Variants in NOP58 observed in about 807,000 individuals in gnomAD.
NOP58 encodes nucleolar protein 58.
A neutral mutation model predicts 71.2 loss-of-function variants in NOP58; 44 were observed. The observed-to-expected ratio is 0.62, with a 90% confidence interval of 0.49 to 0.79. The LOEUF is 0.79. NOP58 is among the 30% of genes least tolerant of loss of function. The probability of loss-of-function intolerance (pLI) is 0.00; values close to 1 mark genes in which losing one functional copy is unlikely to be tolerated. For missense variants in NOP58, 538 were observed against 620.2 expected (o/e 0.87, Z 1.41); for synonymous variants, 228 against 200.3 (o/e 1.14, Z -1.17).
At chr2:202,284,120 A>G (rs1245282292) in intron 4 of NOP58, among the ~76,000 whole-genome samples, 2 of 152,056 alleles carry the variant, frequency 1.3e-5, no homozygotes, top group Non-Finnish European at 2.9e-5. Flanking sequence ...CGTCTCTACT[A>G]AAAATACAAA....
In NOP58 at chr2:202,265,821, C is replaced by T; in HGVS notation, c.-121C>T. On this transcript the variant is annotated 5_prime_UTR_variant, in exon 1 of 15. Transcript: ENST00000264279. ...CGTGTTCTGATTCTTTGCGGGACGG[C>T]GAGCGCATTTGTGCTTTGCCCGCCG... 6 of 1,019,820 alleles carry T rather than the reference C, an allele frequency of 5.9e-6. No individual in the cohort carries two copies. Among genetic ancestry groups the T allele is most frequent in the South Asian group, 4.0e-5 (3 of 74,582 alleles). The allele number at this position is 1,019,820 out of a possible 1,614,324, so 63.2% of individuals were successfully genotyped here.
intron 5 of NOP58, among the ~76,000 whole-genome samples, chr2:202,286,749 T>TC (rs1175656683): frequency 6.6e-6 from 1 of 152,024 alleles, no homozygotes; most frequent in African/African-American, 2.4e-5. Flanking sequence ...CAATCAGATG[T>TC]CCCCCCAGTA....
chr2:202,294,246 G>A (rs996741155), intron 9 of NOP58, among the ~76,000 whole-genome samples: 3 of 151,486 alleles, frequency 2.0e-5, no homozygotes, highest in Admixed American at 6.6e-5. Context: ...TTGAACCCGG[G>A]AGGTGGAGGT....
chr2:202,292,640 T>A, intron 8 of NOP58, 137 bp from the exon 9 acceptor site: 1 of 635,014 alleles, frequency 1.6e-6, no homozygotes, highest in Non-Finnish European at 2.7e-6. Context: ...AAACTGATGT[T>A]AGGCATAGGT....
chr2:202,291,793 CAAAACTCCATCTCAAAAAAAAAAAAAAAA>C (rs1688902990), intron 8 of NOP58, among the ~76,000 whole-genome samples: 1 of 48,328 alleles, frequency 2.1e-5, no homozygotes, highest in African/African-American at 8.0e-5. Flanking sequence ...GCAACAAGAG[CAAAACTCCATCTCAAAAAAAAAAAAAAAA>C]AAAAAAAGGA....
intron 11 of NOP58, 131 bp from the exon 12 acceptor site, chr2:202,297,714 T>C: frequency 1.3e-6 from 1 of 797,750 alleles, no homozygotes; most frequent in Admixed American, 3.2e-5. Context: ...TAGGATATGC[T>C]ATTCAAAATA....
At chr2:202,269,063 C>G (rs913625677) in intron 1 of NOP58, among the ~76,000 whole-genome samples, 1 of 152,136 alleles carries the variant, frequency 6.6e-6, no homozygotes, top group Non-Finnish European at 1.5e-5. Context: ...GATCATGGCT[C>G]ATTGCAGCCT....
chr2:202,266,117 G>A, intron 1 of NOP58, 131 bp downstream of exon 1: 3 of 1,052,990 alleles, frequency 2.8e-6, no homozygotes, highest in Non-Finnish European at 2.9e-6. Flanking sequence ...GGAGGAGGGA[G>A]AAGGCCTTTA....
In NOP58 at chr2:202,277,978, CA is replaced by C; in HGVS notation, c.152del (p.Gln51ArgfsTer7). On this transcript the variant is annotated frameshift_variant, in exon 3 of 15. Transcript: ENST00000264279. LOFTEE classifies it high-confidence loss of function. Reference protein sequence around the residue: ...IVKLKHFEKFQDTAEALAAFT... With the variant: ...IVKLKHFEKFXDTAEALAAFT... ...AAAGCTAAAACATTTTGAGAAATTT[CA>C]GGATACAGCAGAAGCATTAGCAGGT... 1 of 1,549,318 alleles carries C rather than the reference CA, an allele frequency of 6.5e-7. No homozygotes were observed. The highest frequency in any genetic ancestry group is 8.8e-7 in the Non-Finnish European group (1 of 1,131,280).
At chr2:202,293,428 A>G (rs921923213) in intron 9 of NOP58, among the ~76,000 whole-genome samples, 3 of 152,258 alleles carry the variant, frequency 2.0e-5, no homozygotes, top group African/African-American at 7.2e-5. Flanking sequence ...TGGCAGTATT[A>G]TAAGGATGAT....
At chr2:202,301,837 C>T (rs1689098169) in intron 13 of NOP58, among the ~76,000 whole-genome samples, 1 of 152,106 alleles carries the variant, frequency 6.6e-6, no homozygotes, top group South Asian at 2.1e-4. Flanking sequence ...CCTAAAATGG[C>T]CATATATACT....
chr2:202,268,038 A>C (rs1036291807), intron 1 of NOP58, among the ~76,000 whole-genome samples: 2 of 152,226 alleles, frequency 1.3e-5, no homozygotes, highest in African/African-American at 4.8e-5. Context: ...AAAGACATAC[A>C]AACGTTCTGG....
chr2:202,274,314 G>A (rs1239517915), intron 1 of NOP58, among the ~76,000 whole-genome samples: 2 of 151,670 alleles, frequency 1.3e-5, no homozygotes, highest in African/African-American at 2.4e-5. Flanking sequence ...TGCAACCTCT[G>A]CCTCCGGGTT....
intron 9 of NOP58, chr2:202,293,132 C>T (rs756321160): frequency 4.2e-6 from 3 of 706,490 alleles, no homozygotes; most frequent in Admixed American, 3.5e-5. Flanking sequence ...TCTTCTGAGA[C>T]ACTTGTGGTC....
Position 202,277,979 on chromosome 2 carries a change from A to G in NOP58, c.152A>G (p.Gln51Arg). Residue 51 changes from glutamine (Q) to arginine (R), a missense_variant, in exon 3 of 15, where the codon CAG becomes CGG. Transcript: ENST00000264279. ...IVKLKHFEKF[Q>R]DTAEALAAFT... ...AAGCTAAAACATTTTGAGAAATTTC[A>G]GGATACAGCAGAAGCATTAGCAGGT... 6.4e-7 allele frequency: 1 copy of G among 1,553,172 alleles called. No individual in the cohort carries two copies. Among genetic ancestry groups the G allele is most frequent in the Non-Finnish European group, 8.8e-7 (1 of 1,133,460 alleles).
Position 202,284,406 on chromosome 2 carries a change from G to T in NOP58, c.359G>T (p.Arg120Leu). Residue 120 changes from arginine (R) to leucine (L), a missense_variant, in exon 5 of 15, where the codon CGT becomes CTT. Transcript: ENST00000264279. Reference sequence around the variant, plus strand: ...GTTAATGAACTTATGAGAGGAATTCGTTCACAAATGGATGGATTAATCCCT... The same window carrying T: ...GTTAATGAACTTATGAGAGGAATTCTTTCACAAATGGATGGATTAATCCCT... Reference protein sequence around the residue: ...PVVNELMRGIRSQMDGLIPGV... With the variant: ...PVVNELMRGILSQMDGLIPGV... 1 of 1,613,496 alleles carries T rather than the reference G, an allele frequency of 6.2e-7. No individual in the cohort carries two copies. Among genetic ancestry groups the T allele is most frequent in the Non-Finnish European group, 8.5e-7 (1 of 1,179,602 alleles).
chr2:202,278,915 C>T (rs904098629), intron 3 of NOP58, among the ~76,000 whole-genome samples: 3 of 152,102 alleles, frequency 2.0e-5, no homozygotes, highest in Non-Finnish European at 2.9e-5. Flanking sequence ...GAGGGGTAGG[C>T]TGAAGGAAGA....
chr2:202,302,896 G>A, intron 13 of NOP58, 25 bp from the exon 14 acceptor site: 2 of 1,587,798 alleles, frequency 1.3e-6, no homozygotes, highest in Non-Finnish European at 1.7e-6. Context: ...TTAATTTGTT[G>A]TGCCTTTACA....
chr2:202,275,071 C>A, intron 1 of NOP58, 42 bp from the exon 2 acceptor site: 1 of 982,640 alleles, frequency 1.0e-6, no homozygotes, highest in Non-Finnish European at 1.6e-6. Flanking sequence ...ATATGCCTCA[C>A]CTGTACCATT....
Sources: gnomAD v4.1 joint callset for allele counts (sites outside exome capture counted in the v4.1 genomes callset) on GRCh38, gnomAD v4.1.1 for gene constraint, MANE v1.5 for transcripts, NCBI Gene and HGNC (gene_info 2026-07-23, HGNC 2026-07-21) for gene names.